SH3GL2: variants seen among roughly 807,000 people sequenced by gnomAD.
SH3GL2 encodes the protein SH3 domain containing GRB2 like 2, endophilin A1.
Under a neutral mutation model 46.0 loss-of-function variants are expected in SH3GL2, and 24 were observed. The ratio of observed to expected loss-of-function variants is 0.52; its 90% CI spans 0.38 to 0.73. The LOEUF is 0.73. Among genes scored for constraint, SH3GL2 ranks in the 30% least tolerant of loss-of-function variants. The pLI is 0.00. For missense variants in SH3GL2, 413 were observed against 424.2 expected (o/e 0.97, Z 0.23); for synonymous variants, 196 against 147.1 (o/e 1.33, Z -2.40).
intron 3 of SH3GL2, among the ~76,000 whole-genome samples, chr9:17,780,440 T>G (rs2131177807): frequency 6.6e-6 from 1 of 152,218 alleles, no homozygotes; most frequent in South Asian, 2.1e-4. Flanking sequence ...TTTAGGTGTT[T>G]GCATTTTCTA....
chr9:17,691,698 TA>T (rs2118133541), intron 1 of SH3GL2, among the ~76,000 whole-genome samples: 1 of 152,298 alleles, frequency 6.6e-6, no homozygotes, highest in Non-Finnish European at 1.5e-5. Flanking sequence ...GATTTTACAC[TA>T]ACATAGTTGG....
chr9:17,697,871 C>T (rs1821247940), intron 1 of SH3GL2, among the ~76,000 whole-genome samples: 1 of 152,146 alleles, frequency 6.6e-6, no homozygotes, highest in Admixed American at 6.6e-5. Flanking sequence ...TTCTCCTTTG[C>T]TCTATTGTCA....
intron 1 of SH3GL2, among the ~76,000 whole-genome samples, chr9:17,688,410 T>TA (rs1820982559): frequency 6.6e-6 from 1 of 152,076 alleles, no homozygotes; most frequent in South Asian, 2.1e-4. Context: ...ACGTACTGTT[T>TA]AACAGGTGAA....
At chr9:17,596,825 G>C (rs1011377202) in intron 1 of SH3GL2, among the ~76,000 whole-genome samples, 1 of 152,106 alleles carries the variant, frequency 6.6e-6, no homozygotes, top group Non-Finnish European at 1.5e-5. Flanking sequence ...TAATGAGATG[G>C]GCAGGCCACT....
intron 1 of SH3GL2, among the ~76,000 whole-genome samples, chr9:17,626,927 T>G (rs750622139): frequency 6.6e-6 from 1 of 152,132 alleles, no homozygotes; most frequent in Non-Finnish European, 1.5e-5. Flanking sequence ...TGGCTCAGCT[T>G]CCCCTCCCCC....
chr9:17,610,544 C>A (rs1266293526), intron 1 of SH3GL2, among the ~76,000 whole-genome samples: 1 of 152,152 alleles, frequency 6.6e-6, no homozygotes, highest in African/African-American at 2.4e-5. Flanking sequence ...TGAGTGCACA[C>A]TGCAATGGGA....
chr9:17,612,093 T>C (rs145168251), intron 1 of SH3GL2, among the ~76,000 whole-genome samples: 90 of 152,220 alleles, frequency 5.9e-4, no homozygotes, highest in Middle Eastern at 3.4e-3. Flanking sequence ...AGAGCTGGCA[T>C]AGAAGGCAAG....
chr9:17,596,941 T>TG (rs1488420877), intron 1 of SH3GL2, among the ~76,000 whole-genome samples: 3 of 152,146 alleles, frequency 2.0e-5, no homozygotes, highest in Admixed American at 1.3e-4. Flanking sequence ...TGGCTTTCTC[T>TG]GGGGCCTGCC....
intron 1 of SH3GL2, among the ~76,000 whole-genome samples, chr9:17,686,005 A>G (rs1464967868): frequency 2.1e-5 from 3 of 143,548 alleles, no homozygotes; most frequent in Admixed American, 7.0e-5. Context: ...GTGAACAGGC[A>G]ACCTACAAAA....
chr9:17,792,893 T>C (rs1824173528), intron 7 of SH3GL2, among the ~76,000 whole-genome samples: 1 of 152,178 alleles, frequency 6.6e-6, no homozygotes, highest in Non-Finnish European at 1.5e-5. Context: ...CCATAATCTG[T>C]TTGTGTCTTT....
rs568254892 is a variant in SH3GL2, at chr9:17,753,136, C to T, written c.114+6002C>T. 3.9e-5 allele frequency among the ~76,000 whole-genome samples: 6 copies of T among 152,248 alleles called. 1 individual carries two copies. Among genetic ancestry groups the T allele is most frequent in the African/African-American group, 1.4e-4 (6 of 41,536 alleles). ...ATGGGCATTTGGGTTGATTCCATGT[C>T]TTTGCTATTACGAATAGTGCTGCAG... is the stretch of plus-strand genomic sequence containing the variant. On this transcript the variant is annotated intron_variant, in intron 2 of 8. Transcript: ENST00000380607.
chr9:17,645,824 C>G (rs189340991), intron 1 of SH3GL2, among the ~76,000 whole-genome samples: 36 of 152,144 alleles, frequency 2.4e-4, no homozygotes, highest in African/African-American at 8.4e-4. Flanking sequence ...TCATTTCAAC[C>G]TTGGTGAATC....
intron 1 of SH3GL2, among the ~76,000 whole-genome samples, chr9:17,684,996 T>C (rs1054857666): frequency 6.6e-6 from 1 of 152,134 alleles, no homozygotes; most frequent in Admixed American, 6.6e-5. Context: ...ATTTATGAAT[T>C]TGTCTGTGAT....
intron 1 of SH3GL2, among the ~76,000 whole-genome samples, chr9:17,624,022 C>T (rs180837055): frequency 6.6e-5 from 10 of 152,228 alleles, no homozygotes; most frequent in Admixed American, 1.3e-4. Context: ...TTATTTCATT[C>T]GTTCGTTTCT....
intron 3 of SH3GL2, among the ~76,000 whole-genome samples, chr9:17,777,766 T>C (rs1823683525): frequency 6.6e-6 from 1 of 152,146 alleles, no homozygotes; most frequent in African/African-American, 2.4e-5. Context: ...TTTGACCTCC[T>C]GACTTCCTTT....
chr9:17,609,929 C>T (rs561002403), intron 1 of SH3GL2, among the ~76,000 whole-genome samples: 5 of 152,310 alleles, frequency 3.3e-5, no homozygotes, highest in African/African-American at 9.6e-5. Context: ...TCCAGACACA[C>T]GATTGGCCCT....
intron 1 of SH3GL2, among the ~76,000 whole-genome samples, chr9:17,622,995 C>CGTTT: frequency 4.1e-5 from 3 of 72,932 alleles, no homozygotes; most frequent in Non-Finnish European, 9.0e-5. Context: ...CGTTTCCTTT[C>CGTTT]CTTTCCTTTC....
At chr9:17,681,046 C>T (rs908146570) in intron 1 of SH3GL2, among the ~76,000 whole-genome samples, 1 of 152,040 alleles carries the variant, frequency 6.6e-6, no homozygotes, top group Non-Finnish European at 1.5e-5. Context: ...AGCTTTACTT[C>T]CAACTATGTG....
intron 1 of SH3GL2, among the ~76,000 whole-genome samples, chr9:17,737,715 CCTG>C (rs1822383349): frequency 6.6e-6 from 1 of 152,046 alleles, no homozygotes; most frequent in Admixed American, 6.6e-5. Context: ...TGGTTCTTTC[CCTG>C]CCTCGTCTTT....
Sources: gnomAD v4.1 joint callset for allele counts (sites outside exome capture counted in the v4.1 genomes callset) on GRCh38, gnomAD v4.1.1 for gene constraint, MANE v1.5 for transcripts, NCBI Gene and HGNC (gene_info 2026-07-23, HGNC 2026-07-21) for gene names.